SLC8A1: variants seen among roughly 807,000 people sequenced by gnomAD.
The protein encoded by SLC8A1 is solute carrier family 8 member A1.
In SLC8A1, 18 loss-of-function variants were observed where a neutral mutation model predicts 68.3. The ratio of observed to expected loss-of-function variants is 0.26; its 90% CI spans 0.18 to 0.39. The LOEUF is 0.39. Among genes scored for constraint, SLC8A1 ranks in the 10% least tolerant of loss-of-function variants. SLC8A1 has a pLI of 1.00. For missense variants in SLC8A1, 985 were observed against 1,156.7 expected (o/e 0.85, Z 2.15); for synonymous variants, 475 against 415.5 (o/e 1.14, Z -1.74).
rs548722429 is a variant in SLC8A1, at chr2:40,450,358, G to C, written c.-25+1546C>G. Among the ~76,000 whole-genome samples, 4 of 151,942 alleles carry C rather than the reference G, an allele frequency of 2.6e-5. No homozygotes were observed. In the East Asian group the frequency reaches 7.7e-4, roughly 29 times the overall value. Reference sequence around the variant, plus strand: ...AGAAAGAGAAAGCATGTGAGTGTGTGTGTGTGTGTGTGCACGCGCGCGCGC... The same window carrying C: ...AGAAAGAGAAAGCATGTGAGTGTGTCTGTGTGTGTGTGCACGCGCGCGCGC... On this transcript the variant is annotated intron_variant, in intron 1 of 7. Coordinates refer to ENST00000406785, the Ensembl canonical transcript of SLC8A1.
intron 2 of SLC8A1, among the ~76,000 whole-genome samples, chr2:40,222,186 C>A (rs1478126533): frequency 1.3e-5 from 2 of 151,758 alleles, no homozygotes; most frequent in Non-Finnish European, 2.9e-5. Flanking sequence ...ATATATATAC[C>A]AGTGGAACAG....
intron 2 of SLC8A1, among the ~76,000 whole-genome samples, chr2:40,335,899 A>C (rs1375617907): frequency 6.6e-6 from 1 of 152,222 alleles, no homozygotes; most frequent in African/African-American, 2.4e-5. Flanking sequence ...TAAGTGAATT[A>C]AGTTTAGAAA....
At chr2:40,324,595 C>T (rs768839777) in intron 2 of SLC8A1, among the ~76,000 whole-genome samples, 6 of 152,100 alleles carry the variant, frequency 3.9e-5, no homozygotes, top group African/African-American at 1.2e-4. Flanking sequence ...GTTTTAGTCT[C>T]CACAAAGTGG....
At chr2:40,136,676 G>A (rs1300316544) in intron 7 of SLC8A1, among the ~76,000 whole-genome samples, 1 of 152,136 alleles carries the variant, frequency 6.6e-6, no homozygotes, top group African/African-American at 2.4e-5. Context: ...TCTTCTGCCT[G>A]TAGCAACTGG....
chr2:40,444,790 A>G (rs1002919624), intron 1 of SLC8A1, among the ~76,000 whole-genome samples: 1 of 152,238 alleles, frequency 6.6e-6, no homozygotes, highest in African/African-American at 2.4e-5. Flanking sequence ...TCATTTATAT[A>G]TCATCTATGA....
intron 2 of SLC8A1, among the ~76,000 whole-genome samples, chr2:40,419,558 C>T (rs1224560900): frequency 1.3e-5 from 2 of 152,034 alleles, no homozygotes; most frequent in Non-Finnish European, 2.9e-5. Flanking sequence ...CCATCTTTGC[C>T]CCTGTCTCTT....
chr2:40,164,797 A>T, intron 5 of SLC8A1, 57 bp downstream of exon 8: 1 of 1,602,094 alleles, frequency 6.2e-7, no homozygotes, highest in Non-Finnish European at 8.5e-7. Flanking sequence ...CAACCCTATG[A>T]ACAGTTTCTG....
At chr2:40,172,530 T>G (rs930547931) in intron 4 of SLC8A1, among the ~76,000 whole-genome samples, 1 of 152,062 alleles carries the variant, frequency 6.6e-6, no homozygotes, top group South Asian at 2.1e-4. Context: ...AGTTGGATAT[T>G]ATCAGACAGA....
At chr2:40,327,071 A>G (rs887363236) in intron 2 of SLC8A1, among the ~76,000 whole-genome samples, 1 of 152,198 alleles carries the variant, frequency 6.6e-6, no homozygotes, top group Non-Finnish European at 1.5e-5. Context: ...AAAAGAAACT[A>G]CTTACAATTC....
exon 8 of SLC8A1, chr2:40,108,626 A>G (rs2034374364): frequency 6.6e-6 from 1 of 152,198 alleles, no homozygotes; most frequent in African/African-American, 2.4e-5. Context: ...AGGGAGAGCA[A>G]GGTATCTACA....
Position 40,115,784 on chromosome 2 carries a change from G to C in SLC8A1, c.2438-155C>G, listed in dbSNP as rs141218115. ...ATGTTCCTCTGAGTCAGACTCATGG[G>C]GTGAAAAGAACAGGATCTAGATATT... On this transcript the variant is annotated intron_variant, in intron 7 of 7. Transcript: ENST00000406785. Among the ~76,000 whole-genome samples the C allele has an allele frequency of 6.0e-4, 92 of 152,314 alleles. 1 individual carries two copies. In the East Asian group the frequency reaches 0.016, roughly 27 times the overall value.
chr2:40,352,692 C>A (rs536393594), intron 2 of SLC8A1, among the ~76,000 whole-genome samples: 2 of 152,300 alleles, frequency 1.3e-5, no homozygotes, highest in East Asian at 3.9e-4. Context: ...GCCTACTCAG[C>A]CTCTTTTGAA....
upstream of SLC8A1, among the ~76,000 whole-genome samples, chr2:40,454,283 C>A (rs1265686888): frequency 6.6e-6 from 1 of 152,046 alleles, no homozygotes; most frequent in African/African-American, 2.4e-5. Context: ...CAAGAGAAAG[C>A]TAAATGAAAA....
intron 2 of SLC8A1, among the ~76,000 whole-genome samples, chr2:40,188,273 T>C (rs1420459201): frequency 6.6e-6 from 1 of 150,650 alleles, no homozygotes; most frequent in Non-Finnish European, 1.5e-5. Flanking sequence ...ATGCAGATTC[T>C]CTAGAAAATA....
intron 1 of SLC8A1, among the ~76,000 whole-genome samples, chr2:40,435,306 G>C (rs1230848930): frequency 2.0e-5 from 3 of 152,156 alleles, no homozygotes; most frequent in Non-Finnish European, 4.4e-5. Context: ...TAGACAAAGA[G>C]ATGATGCCAG....
chr2:40,235,858 C>A (rs967274786), intron 2 of SLC8A1, among the ~76,000 whole-genome samples: 5 of 150,896 alleles, frequency 3.3e-5, no homozygotes, highest in African/African-American at 1.2e-4. Flanking sequence ...TCGTTATGTA[C>A]CCAGTAGTCA....
chr2:40,394,845 T>G (rs1289030126), intron 2 of SLC8A1, among the ~76,000 whole-genome samples: 1 of 152,130 alleles, frequency 6.6e-6, no homozygotes, highest in African/African-American at 2.4e-5. Flanking sequence ...AAGTTGTCAT[T>G]TGTGCAAAGA....
intron 2 of SLC8A1, among the ~76,000 whole-genome samples, chr2:40,400,619 G>C (rs1688433623): frequency 6.6e-6 from 1 of 152,186 alleles, no homozygotes; most frequent in Non-Finnish European, 1.5e-5. Context: ...GGGAGGAAAT[G>C]AGAGGGTGTT....
chr2:40,387,455 A>T (rs1232609995), intron 2 of SLC8A1, among the ~76,000 whole-genome samples: 2 of 151,376 alleles, frequency 1.3e-5, no homozygotes, highest in Non-Finnish European at 2.9e-5. Flanking sequence ...AATTTTTGCA[A>T]AGCTAATTGA....
Sources: allele counts gnomAD v4.1 joint callset (sites outside exome capture counted in the v4.1 genomes callset), GRCh38; gene constraint gnomAD v4.1.1; transcripts MANE v1.5; gene names NCBI Gene and HGNC (gene_info 2026-07-23, HGNC 2026-07-21).